PAQR5: variants seen among roughly 807,000 people sequenced by gnomAD.
PAQR5 encodes membrane progestin receptor gamma.
PAQR5 carries 20 observed loss-of-function variants against 34.5 expected under a neutral mutation model. That is an observed-to-expected ratio of 0.58 (90% confidence interval 0.41 to 0.84). The LOEUF is 0.84. Ranked by LOEUF, PAQR5 falls within the 40% of genes least tolerant of loss-of-function variation. The probability of loss-of-function intolerance (pLI) is 0.00; values close to 1 mark genes in which losing one functional copy is unlikely to be tolerated. For missense variants in PAQR5, 378 were observed against 412.7 expected, an observed-to-expected ratio of 0.92 and a Z score of 0.73; for synonymous variants, 131 against 155.6, an observed-to-expected ratio of 0.84 and a Z score of 1.18.
intron 3 of PAQR5, among the ~76,000 whole-genome samples, chr15:69,363,157 A>G (rs2055286343): frequency 6.6e-6 from 1 of 152,198 alleles, no homozygotes; most frequent in South Asian, 2.1e-4. Flanking sequence ...TCTGGGCCTC[A>G]GCCATCTATA....
chr15:69,400,261 T>C (rs2140265228), intron 8 of PAQR5, 146 bp downstream of exon 8: 1 of 808,438 alleles, frequency 1.2e-6, no homozygotes, highest in Non-Finnish European at 1.9e-6. Flanking sequence ...TTGACAGAGG[T>C]CAGGATGTCT....
In PAQR5 at chr15:69,389,675, C is replaced by T. The variant is rs748630861; in HGVS notation, c.407C>T (p.Ala136Val). The change falls in exon 6 of 9, where the codon GCA becomes GTA. Residue 136 changes from alanine (A) to valine (V), a missense_variant. Transcript: ENST00000395407. ...CCAGGCTCAGCCATTGCCTACTCTG[C>T]ATACACGTTCCCGGATGCGCTCATG... Reference protein sequence around the residue: ...FSLGSAIAYSAYTFPDALMCT... With the variant: ...FSLGSAIAYSVYTFPDALMCT... 5.0e-6 allele frequency: 8 copies of T among 1,614,080 alleles called. No individual in the cohort carries two copies. The South Asian group carries it at 8.8e-5, about 18-fold the overall frequency.
intron 1 of PAQR5, among the ~76,000 whole-genome samples, chr15:69,301,310 T>A (rs1325861498): frequency 6.6e-6 from 1 of 152,090 alleles, no homozygotes; most frequent in Non-Finnish European, 1.5e-5. Flanking sequence ...AGCCCCCATG[T>A]GCTTTTCCAG....
At chr15:69,375,057 A>G (rs1223907806) in intron 3 of PAQR5, among the ~76,000 whole-genome samples, 1 of 152,242 alleles carries the variant, frequency 6.6e-6, no homozygotes, top group Admixed American at 6.5e-5. Context: ...ACTGGCTTGC[A>G]TAACCTCACC....
intron 6 of PAQR5, chr15:69,391,643 C>G (rs1474175647): frequency 4.4e-6 from 2 of 456,058 alleles, no homozygotes; most frequent in Non-Finnish European, 8.8e-6. Context: ...ACTGCCCCAT[C>G]TGGTTCGCTC....
chr15:69,403,703 T>C lies in PAQR5; in HGVS notation c.874T>C (p.Phe292Leu). The C allele has an allele frequency of 7.4e-6, 12 of 1,614,176 alleles. No homozygotes were observed. Among genetic ancestry groups the C allele is most frequent in the Non-Finnish European group, 1.0e-5 (12 of 1,180,028 alleles). The change falls in exon 9 of 9, where the codon TTC (phenylalanine) becomes CTC (leucine). Residue 292 changes from phenylalanine (F) to leucine (L), a missense_variant. Phe to Leu is a conservative substitution (Grantham distance 22). Coordinates refer to ENST00000395407, the MANE Select transcript of PAQR5 (RefSeq NM_017705.4). Reference sequence around the variant, plus strand: ...CCTGGCCACCTCCAAGCCCTTCTCTTTCTCTCAGATAGCTGGAGCCATACT... The same window carrying C: ...CCTGGCCACCTCCAAGCCCTTCTCTCTCTCTCAGATAGCTGGAGCCATACT... ...WLLATSKPFS[F>L]SQIAGAILLC...
chr15:69,391,337 T>G (rs1421342052), intron 6 of PAQR5: 1 of 155,764 alleles, frequency 6.4e-6, no homozygotes, highest in Non-Finnish European at 1.4e-5. Flanking sequence ...TTTTTATTTT[T>G]AAATGGAAGG....
At chr15:69,359,754 G>C (rs2055184188) in intron 2 of PAQR5, among the ~76,000 whole-genome samples, 1 of 151,900 alleles carries the variant, frequency 6.6e-6, no homozygotes, top group Non-Finnish European at 1.5e-5. Flanking sequence ...CAATATGAGG[G>C]GTGGTCTCCT....
intron 2 of PAQR5, among the ~76,000 whole-genome samples, chr15:69,337,746 G>GT (rs35858134): frequency 0.93 from 141,700 of 152,262 alleles, 66,825 homozygotes; most frequent in South Asian, 1. Flanking sequence ...GCCAAGTAGA[G>GT]TAAGACTAAA....
At chr15:69,343,579 C>T (rs2054693325) in intron 2 of PAQR5, among the ~76,000 whole-genome samples, 1 of 152,212 alleles carries the variant, frequency 6.6e-6, no homozygotes. Context: ...TGCAGATGAA[C>T]TTAAGCCAAT....
chr15:69,331,635 A>C (rs558668414), intron 1 of PAQR5, among the ~76,000 whole-genome samples: 5 of 152,074 alleles, frequency 3.3e-5, no homozygotes, highest in African/African-American at 7.2e-5. Flanking sequence ...CGGGGTGACT[A>C]TCTGGTCTTC....
intron 1 of PAQR5, among the ~76,000 whole-genome samples, chr15:69,321,266 A>T (rs1429171709): frequency 1.3e-5 from 2 of 152,212 alleles, no homozygotes; most frequent in Admixed American, 6.5e-5. Flanking sequence ...TTTTTCTGAC[A>T]TTGTTATTCT....
At chr15:69,302,427 C>A (rs1362370722) in intron 1 of PAQR5, among the ~76,000 whole-genome samples, 1 of 152,030 alleles carries the variant, frequency 6.6e-6, no homozygotes, top group Non-Finnish European at 1.5e-5. Context: ...GGGGAGGGGA[C>A]ACCCCACCAT....
chr15:69,315,812 C>G (rs2053932081), intron 1 of PAQR5, among the ~76,000 whole-genome samples: 1 of 152,178 alleles, frequency 6.6e-6, no homozygotes, highest in Non-Finnish European at 1.5e-5. Flanking sequence ...GCAGGGACTA[C>G]CTGGGTTTAG....
At chr15:69,399,886 C>G in intron 7 of PAQR5, 88 bp from the exon 8 acceptor site, 1 of 1,398,716 alleles carries the variant, frequency 7.1e-7, no homozygotes, top group South Asian at 1.3e-5. Flanking sequence ...TCAGAGCCCC[C>G]AAAGTCCCAG....
At chr15:69,315,635 A>G (rs2053928380) in intron 1 of PAQR5, among the ~76,000 whole-genome samples, 1 of 152,234 alleles carries the variant, frequency 6.6e-6, no homozygotes, top group African/African-American at 2.4e-5. Flanking sequence ...TTTCACCTTG[A>G]CTGGCACTTT....
intron 1 of PAQR5, among the ~76,000 whole-genome samples, chr15:69,300,623 TTCTTTCTTTCTTTC>T (rs1186576815): frequency 2.0e-5 from 1 of 49,406 alleles, no homozygotes; most frequent in Non-Finnish European, 4.6e-5. Context: ...CTTTCTTTCT[TTCTTTCTTTCTTTC>T]TTTCTTTCTT....
At chr15:69,300,953 T>G (rs1397803792) in intron 1 of PAQR5, among the ~76,000 whole-genome samples, 1 of 38,494 alleles carries the variant, frequency 2.6e-5, no homozygotes, top group African/African-American at 9.7e-5. Flanking sequence ...CTTTCCTTCT[T>G]TCTTTCTTTC....
intron 2 of PAQR5, among the ~76,000 whole-genome samples, chr15:69,359,256 C>T (rs1349216787): frequency 6.6e-6 from 1 of 152,160 alleles, no homozygotes; most frequent in Non-Finnish European, 1.5e-5. Context: ...GGTTTTGACA[C>T]ATGAATTTTG....
Sources: gnomAD v4.1 joint callset for allele counts (sites outside exome capture counted in the v4.1 genomes callset) on GRCh38, gnomAD v4.1.1 for gene constraint, MANE v1.5 for transcripts, NCBI Gene and HGNC (gene_info 2026-07-23, HGNC 2026-07-21) for gene names.